STON1: variants seen among roughly 807,000 people sequenced by gnomAD.
The protein encoded by STON1 is stonin 1.
In STON1, 79 loss-of-function variants were observed where a neutral mutation model predicts 60.9. The ratio of observed to expected loss-of-function variants is 1.30; its 90% CI spans 1.08 to 1.56. STON1 has a LOEUF of 1.56. STON1 is among the 40% of genes most tolerant of loss of function. The pLI, the probability that STON1 is intolerant of heterozygous loss-of-function variation, is 0.00. For missense variants in STON1, 1,166 were observed against 858.9 expected, an observed-to-expected ratio of 1.36 and a Z score of -4.47; for synonymous variants, 363 against 306.9, an observed-to-expected ratio of 1.18 and a Z score of -1.91.
chr2:48,539,395 C>G (rs1384727640), intron 1 of STON1, among the ~76,000 whole-genome samples: 5 of 152,092 alleles, frequency 3.3e-5, no homozygotes, highest in Non-Finnish European at 7.3e-5. Flanking sequence ...TCATGCCTAG[C>G]TTACTTTTTG....
At chr2:48,580,128 G>A (rs1458669558) in intron 1 of STON1, among the ~76,000 whole-genome samples, 2 of 152,012 alleles carry the variant, frequency 1.3e-5, no homozygotes. Flanking sequence ...GACTGCTCTC[G>A]AACTGCTGAC....
chr2:48,587,897 G>T (rs1444530675), intron 2 of STON1, among the ~76,000 whole-genome samples: 1 of 152,186 alleles, frequency 6.6e-6, no homozygotes, highest in African/African-American at 2.4e-5. Flanking sequence ...GCAGCTGTGG[G>T]CCTGGCTTGG....
At chr2:48,543,343 C>A (rs954219518) in intron 1 of STON1, among the ~76,000 whole-genome samples, 1 of 151,904 alleles carries the variant, frequency 6.6e-6, no homozygotes, top group Non-Finnish European at 1.5e-5. Flanking sequence ...TTTTGGACAG[C>A]CAGTTTATTT....
rs1379639196 is a variant in STON1 at position 48,582,227 on chromosome 2, T to A, written c.1594T>A (p.Ser532Thr). Residue 532 changes from serine to threonine, a missense_variant, in exon 2 of 4, where the codon TCT (serine) becomes ACT (threonine). Transcript: ENST00000404752. ...NGDNLPFSLK[S>T]VVVVQGAYVE... ...GGATAATCTTCCCTTTTCCTTGAAG[T>A]CTGTAGTGGTTGTCCAGGGAGCATA... The A allele has an allele frequency of 3.1e-6, 5 of 1,614,218 alleles. No individual in the cohort carries two copies. The highest frequency in any genetic ancestry group is 4.2e-6 in the Non-Finnish European group (5 of 1,180,048).
At chr2:48,534,825 C>G (rs1671358233) in intron 1 of STON1, among the ~76,000 whole-genome samples, 1 of 152,156 alleles carries the variant, frequency 6.6e-6, no homozygotes, top group Non-Finnish European at 1.5e-5. Context: ...CAAAAACACA[C>G]TGATACGTAA....
chr2:48,539,055 C>G (rs1671549571), intron 1 of STON1, among the ~76,000 whole-genome samples: 3 of 151,924 alleles, frequency 2.0e-5, no homozygotes, highest in Admixed American at 2.0e-4. Flanking sequence ...GTAGCTGAGA[C>G]TACAGGTGCG....
At chr2:48,554,435 C>G (rs901606483) in intron 1 of STON1, among the ~76,000 whole-genome samples, 1 of 152,068 alleles carries the variant, frequency 6.6e-6, no homozygotes, top group African/African-American at 2.4e-5. Context: ...GTTGGCCAGG[C>G]TAGTTTCGAA....
intron 1 of STON1, among the ~76,000 whole-genome samples, chr2:48,543,141 A>C (rs1671726108): frequency 1.3e-5 from 2 of 151,644 alleles, no homozygotes; most frequent in Non-Finnish European, 2.9e-5. Context: ...TGCCCAGCTA[A>C]TTTTTGTATT....
rs753112554 is a variant in STON1, at chr2:48,581,906, G to A, written c.1273G>A (p.Gly425Ser). 11 of 1,613,824 alleles carry A rather than the reference G, an allele frequency of 6.8e-6. No individual in the cohort carries two copies. Among genetic ancestry groups the A allele is most frequent in the African/African-American group, 2.7e-5 (2 of 74,850 alleles). ...CTTGGAAATTGTGGACAACTTTTGGGGTAAAGTCACAAAAGAAGGAAAATT... is the reference window on the plus strand; with the variant it reads ...CTTGGAAATTGTGGACAACTTTTGGAGTAAAGTCACAAAAGAAGGAAAATT... Reference protein sequence around the residue: ...ISLEIVDNFWGKVTKEGKFVE... With the variant: ...ISLEIVDNFWSKVTKEGKFVE... The change falls in exon 2 of 4, where the codon GGT becomes AGT. Residue 425 changes from glycine to serine, a missense_variant. Physicochemically the swap from Gly to Ser is moderately conservative, Grantham distance 56. Transcript: ENST00000404752.
intron 1 of STON1, among the ~76,000 whole-genome samples, chr2:48,554,335 C>T (rs981475446): frequency 6.6e-6 from 1 of 152,208 alleles, no homozygotes; most frequent in Non-Finnish European, 1.5e-5. Context: ...AGTTCTCCTG[C>T]CTCAGCCTCC....
intron 1 of STON1, among the ~76,000 whole-genome samples, chr2:48,553,815 C>G (rs1672200263): frequency 6.6e-6 from 1 of 152,058 alleles, no homozygotes; most frequent in African/African-American, 2.4e-5. Context: ...AGAATTGATC[C>G]TCGTAGATTG....
At position 48,530,206 on chromosome 2, in the gene STON1, C is replaced by G. The variant is rs1358087984; in HGVS notation, c.-58C>G. 2.5e-6 allele frequency: 1 copy of G among 408,010 alleles called. No homozygotes were observed. The highest frequency in any genetic ancestry group is 2.1e-5 in the African/African-American group (1 of 48,054). 25.3% of individuals were successfully genotyped at this position (408,010 alleles called of 1,614,324 possible). On this transcript the variant is annotated 5_prime_UTR_variant, in exon 1 of 4. Transcript: ENST00000404752. ...GCTGCGGCCAGAATCGGAGCCCCAA[C>G]CGCGCTGCCGGTGAGTGACCAGCCC...
intron 1 of STON1, among the ~76,000 whole-genome samples, chr2:48,533,661 T>TTAA (rs1671307001): frequency 3.4e-5 from 1 of 29,260 alleles, no homozygotes; most frequent in Non-Finnish European, 7.3e-5. Context: ...AAACTCCGTC[T>TTAA]CAAAAAAAAA....
chr2:48,582,650 CAG>C lies in STON1; in HGVS notation c.1930+89_1930+90del, dbSNP rs542723889. 1.5e-4 allele frequency: 225 copies of C among 1,510,522 alleles called. No individual in the cohort carries two copies. The African/African-American group carries it at 2.8e-3, about 19-fold the overall frequency. The allele number at this position is 1,510,522 out of a possible 1,614,324, so 93.6% of individuals were successfully genotyped here. A position where few individuals can be genotyped will look rare whatever the true frequency, so the allele number is the denominator to read the frequency against. ...TCCTTGGGTTGAAACCAGGTAGAGA[CAG>C]ATGGCAATTTGTCAGCTGAGGCTGT... On this transcript the variant is annotated intron_variant, in intron 2 of 3. Transcript: ENST00000404752.
At chr2:48,584,196 C>T (rs1572637850) in intron 2 of STON1, among the ~76,000 whole-genome samples, 1 of 152,152 alleles carries the variant, frequency 6.6e-6, no homozygotes, top group Admixed American at 6.5e-5. Context: ...CATCTAGGCC[C>T]CTCCAGGCTG....
chr2:48,585,180 C>G (rs763350785), intron 2 of STON1, among the ~76,000 whole-genome samples: 1 of 152,140 alleles, frequency 6.6e-6, no homozygotes, highest in Non-Finnish European at 1.5e-5. Flanking sequence ...CTGATCAACT[C>G]TGCTGTGATG....
At chr2:48,531,399 G>A (rs751166689) in intron 1 of STON1, 6 of 152,190 alleles carry the variant, frequency 3.9e-5, no homozygotes, top group Non-Finnish European at 8.8e-5. Flanking sequence ...TTAATCCTGA[G>A]GCTATGGACT....
At chr2:48,539,238 G>T (rs1671557878) in intron 1 of STON1, among the ~76,000 whole-genome samples, 1 of 151,750 alleles carries the variant, frequency 6.6e-6, no homozygotes. Context: ...TCTTAATATT[G>T]TTTATTTGTG....
At chr2:48,565,925 A>C (rs867170008) in intron 1 of STON1, among the ~76,000 whole-genome samples, 12 of 152,314 alleles carry the variant, frequency 7.9e-5, no homozygotes, top group Middle Eastern at 6.8e-3. Context: ...ATGTCATGAT[A>C]ATAAGGATAA....
Sources: gnomAD v4.1 joint callset for allele counts (sites outside exome capture counted in the v4.1 genomes callset) on GRCh38, gnomAD v4.1.1 for gene constraint, MANE v1.5 for transcripts, NCBI Gene and HGNC (gene_info 2026-07-23, HGNC 2026-07-21) for gene names.